Variants in RAB37 observed in about 807,000 individuals in gnomAD.
RAB37 encodes the protein RAB37, member RAS oncogene family, also known as ras-related protein Rab-37.
In RAB37, 29 loss-of-function variants were observed where a neutral mutation model predicts 33.1. The ratio of observed to expected loss-of-function variants is 0.88; its 90% CI spans 0.65 to 1.20. The LOEUF (loss-of-function observed/expected upper bound fraction) is 1.20. Among genes scored for constraint, RAB37 ranks in the 50% most tolerant of loss-of-function variants. RAB37 has a pLI of 0.00. For missense variants in RAB37, 299 were observed against 301.1 expected, an observed-to-expected ratio of 0.99 and a Z score of 0.05; for synonymous variants, 128 against 119.5, an observed-to-expected ratio of 1.07 and a Z score of -0.47.
chr17:74,708,851 G>A (rs1047456220), intron 1 of RAB37, among the ~76,000 whole-genome samples: 1 of 151,208 alleles, frequency 6.6e-6, no homozygotes, highest in Non-Finnish European at 1.5e-5. Flanking sequence ...GGGGGGCGGA[G>A]CTTGCAGTGA....
chr17:74,719,096 A>G (rs563562977), intron 1 of RAB37, among the ~76,000 whole-genome samples: 84 of 152,368 alleles, frequency 5.5e-4, no homozygotes, highest in African/African-American at 1.9e-3. Flanking sequence ...TATAAAAAAG[A>G]GAGACATGGC....
chr17:74,739,646 C>G lies in RAB37; in HGVS notation c.94-1122C>G, dbSNP rs1319514306. Among the ~76,000 whole-genome samples, 3 of 150,910 alleles carry G rather than the reference C, an allele frequency of 2.0e-5. No homozygotes were observed. In the East Asian group the frequency reaches 5.9e-4, roughly 30 times the overall value. On this transcript the variant is annotated intron_variant, in intron 1 of 8. Transcript: ENST00000392613. ...CTGGGTTCAAGCTATTCTCCTGTCT[C>G]CGCCTCCCAAGTAACTGGGACTACA...
chr17:74,689,436 C>CT (rs1178438496), intron 1 of RAB37, among the ~76,000 whole-genome samples: 1 of 151,508 alleles, frequency 6.6e-6, no homozygotes, highest in African/African-American at 2.4e-5. Flanking sequence ...GAGCAAGACT[C>CT]TGTCTGGAAA....
At chr17:74,708,209 C>T (rs2033671645) in intron 1 of RAB37, among the ~76,000 whole-genome samples, 1 of 150,758 alleles carries the variant, frequency 6.6e-6, no homozygotes, top group Admixed American at 6.6e-5. Flanking sequence ...ATGCTAAAAT[C>T]AGCACAAAAT....
rs534239324 is a variant in RAB37 at position 74,690,448 on chromosome 17, A to G, written c.72+18790A>G. Among the ~76,000 whole-genome samples the G allele has an allele frequency of 3.3e-5, 5 of 152,264 alleles. No individual in the cohort carries two copies. The South Asian group carries it at 1.0e-3, about 32-fold the overall frequency. On this transcript the variant is annotated intron_variant, in intron 1 of 7. Transcript: ENST00000340415. ...ATGCTACCCTCACTCAGACCTGAGG[A>G]ACCATATTTAAGATGGTTCCTCTTG...
At chr17:74,715,416 G>A (rs2034153228) in intron 1 of RAB37, among the ~76,000 whole-genome samples, 1 of 152,220 alleles carries the variant, frequency 6.6e-6, no homozygotes. Flanking sequence ...AATCCGGGGT[G>A]AGGGCTTGGC....
intron 1 of RAB37, among the ~76,000 whole-genome samples, chr17:74,721,528 GT>G (rs2034240730): frequency 6.6e-6 from 1 of 151,584 alleles, no homozygotes; most frequent in African/African-American, 2.4e-5. Context: ...CACCTCCCAG[GT>G]TCAAGTGATT....
chr17:74,732,544 G>A (rs866348276), upstream of RAB37, among the ~76,000 whole-genome samples: 5 of 145,840 alleles, frequency 3.4e-5, no homozygotes, highest in South Asian at 4.4e-4. Flanking sequence ...GGTGAGGTGT[G>A]TGGTGTGATT....
rs914908811 is a variant in RAB37 at position 74,671,247 on chromosome 17, T to G, written c.-340T>G. 1 of 288,088 alleles carries G rather than the reference T, an allele frequency of 3.5e-6. No individual in the cohort carries two copies. Among genetic ancestry groups the G allele is most frequent in the African/African-American group, 2.1e-5 (1 of 46,610 alleles). 17.8% of individuals were successfully genotyped at this position (288,088 alleles called of 1,614,324 possible). ...GGTAGCTGAATGAAATACGCAGGGA[T>G]CACCAGCCGGACCCAAATCTTGCGT... On this transcript the variant is annotated 5_prime_UTR_variant, in exon 1 of 8. Coordinates refer to the RAB37 transcript ENST00000340415. The surrounding 1 kb of genome is among the most constrained non-coding windows in gnomAD (Gnocchi z 5.0).
Position 74,681,887 on chromosome 17 carries a change from C to T in RAB37, c.72+10229C>T, listed in dbSNP as rs559005217. ...ACCCTCATCCTGTTCACTACCTGCC[C>T]TGTCCACCACCTGTCCTGACCACCT... On this transcript the variant is annotated intron_variant, in intron 1 of 7. Transcript: ENST00000340415. 5.3e-5 allele frequency among the ~76,000 whole-genome samples: 8 copies of T among 152,360 alleles called. No homozygotes were observed. The South Asian group carries it at 1.4e-3, about 28-fold the overall frequency.
upstream of RAB37, among the ~76,000 whole-genome samples, chr17:74,734,636 G>A (rs2034438881): frequency 6.6e-6 from 1 of 152,066 alleles, no homozygotes; most frequent in Non-Finnish European, 1.5e-5. Context: ...CTAAGGTCAG[G>A]AGTTCAAGAC....
In RAB37 at chr17:74,742,264, T is replaced by C. The variant is rs1358866411; in HGVS notation, c.215T>C (p.Val72Ala). Residue 72 changes from valine (V) to alanine (A), a missense_variant, in exon 3 of 9, where the codon GTG becomes GCG. Transcript: ENST00000392613. This position sits in a 1 kb window ranked among gnomAD's most constrained non-coding sequence, Gnocchi z 4.0. Reference protein sequence around the residue: ...TVGIDFRNKVVTVDGVRVKLQ... With the variant: ...TVGIDFRNKVATVDGVRVKLQ... ...CTTTTTCTCTTTCAGAACAAGGTGG[T>C]GACTGTGGATGGCGTGAGAGTGAAG... The C allele has an allele frequency of 6.2e-7, 1 of 1,613,188 alleles. No homozygotes were observed. The highest frequency in any genetic ancestry group is 8.5e-7 in the Non-Finnish European group (1 of 1,179,486).
At position 74,720,405 on chromosome 17, in the gene RAB37, C is replaced by T. The variant is rs145815837; in HGVS notation, c.73-8851C>T. Reference sequence around the variant, plus strand: ...TTCAAGACCAACGTGGCCAACATGGCGAAACCCCATCTCTACTGAAAAAAA... The same window carrying T: ...TTCAAGACCAACGTGGCCAACATGGTGAAACCCCATCTCTACTGAAAAAAA... On this transcript the variant is annotated intron_variant, in intron 1 of 7. Transcript: ENST00000340415. Among the ~76,000 whole-genome samples the T allele has an allele frequency of 4.1e-3, 628 of 151,770 alleles. 8 individuals carry two copies. The highest frequency in any genetic ancestry group is 0.014 in the African/African-American group (563 of 41,344).
chr17:74,716,554 G>T (rs1414855396), intron 1 of RAB37, among the ~76,000 whole-genome samples: 1 of 152,198 alleles, frequency 6.6e-6, no homozygotes, highest in African/African-American at 2.4e-5. Context: ...CTAGAGGAAA[G>T]GTGATGCGTT....
chr17:74,742,374 CA>C lies in RAB37; in HGVS notation c.246+80del. 1 of 1,149,628 alleles carries C rather than the reference CA, an allele frequency of 8.7e-7. No individual in the cohort carries two copies. The highest frequency in any genetic ancestry group is 1.4e-5 in the South Asian group (1 of 73,124). The allele number at this position is 1,149,628 out of a possible 1,614,324, so 71.2% of individuals were successfully genotyped here. ...CTCACCCTGAACCACAGGAGGCCTG[CA>C]GCCCTGCCCTCCGCCTGGGGCAATT... On this transcript the variant is annotated intron_variant, in intron 3 of 8. Transcript: ENST00000392613. This position sits in a 1 kb window ranked among gnomAD's most constrained non-coding sequence, Gnocchi z 4.0.
At chr17:74,689,098 A>G (rs2032111651) in intron 1 of RAB37, among the ~76,000 whole-genome samples, 1 of 152,218 alleles carries the variant, frequency 6.6e-6, no homozygotes, top group Non-Finnish European at 1.5e-5. Flanking sequence ...AGTCAGTTCA[A>G]GACCAGCCTG....
chr17:74,729,137 GTGTGTGCA>G lies in RAB37; in HGVS notation c.73-115_73-108del, dbSNP rs1194011118. The G allele has an allele frequency of 8.5e-5, 61 of 719,524 alleles. No homozygotes were observed. The highest frequency in any genetic ancestry group is 3.1e-5 in the Non-Finnish European group (12 of 385,010). The allele number at this position is 719,524 out of a possible 1,614,324, so 44.6% of individuals were successfully genotyped here. On this transcript the variant is annotated intron_variant, in intron 1 of 7. Transcript: ENST00000340415. The surrounding 1 kb of genome is among the most constrained non-coding windows in gnomAD (Gnocchi z 4.2). The stretch of plus-strand genomic sequence containing the variant: ...CTTGTGTGTGTGTGTTTCTGTGTGT[GTGTGTGCA>G]TGTTGTGCACATGCGTGCTTAGAAA...
intron 1 of RAB37, among the ~76,000 whole-genome samples, chr17:74,713,894 C>T (rs1248831917): frequency 1.3e-5 from 1 of 75,196 alleles, no homozygotes; most frequent in Non-Finnish European, 2.3e-5. Flanking sequence ...AAGGCTTCAT[C>T]TCCACAAAAA....
chr17:74,729,360 A>T lies in RAB37; in HGVS notation c.177A>T (p.Gly59=). 6.2e-7 allele frequency: 1 copy of T among 1,613,150 alleles called. No individual in the cohort carries two copies. The highest frequency in any genetic ancestry group is 8.5e-7 in the Non-Finnish European group (1 of 1,179,198). ...CCTTCTCGGCCACTGTGGGCATCGG[A>T]TTCACGGTAAGCACTGGCCGGCACT... The change falls in exon 2 of 8, where the codon GGA becomes GGT. Residue 59 remains glycine, a synonymous_variant. Transcript: ENST00000340415. This position sits in a 1 kb window ranked among gnomAD's most constrained non-coding sequence, Gnocchi z 4.2.
Sources: allele counts gnomAD v4.1 joint callset (sites outside exome capture counted in the v4.1 genomes callset), GRCh38; gene constraint gnomAD v4.1.1; non-coding constraint Gnocchi (gnomAD v3.1); transcripts MANE v1.5; gene names NCBI Gene and HGNC (gene_info 2026-07-23, HGNC 2026-07-21).